The following NCAPG2 variants were observed in gnomAD, a reference collection of about 807,000 sequenced individuals.
The protein encoded by NCAPG2 is non-SMC condensin II complex subunit G2, also known as condensin-2 complex subunit G2.
In NCAPG2, 53 loss-of-function variants were observed where a neutral mutation model predicts 141.1. That is an observed-to-expected ratio of 0.38 (90% CI 0.30 to 0.47). NCAPG2 has a LOEUF of 0.47. Ranked by LOEUF, NCAPG2 falls within the 20% of genes least tolerant of loss-of-function variation. The pLI is 0.99. For missense variants in NCAPG2, 1,087 were observed against 1,389.0 expected (o/e 0.78, Z 3.46); for synonymous variants, 499 against 490.7 (o/e 1.02, Z -0.22).
chr7:158,684,288 A>G, intron 8 of NCAPG2, among the ~76,000 whole-genome samples: 1 of 152,380 alleles, frequency 6.6e-6, no homozygotes, highest in Non-Finnish European at 1.5e-5. Context: ...CAGTATGCCA[A>G]CATTCTACAG....
At position 158,686,057 on chromosome 7, in the gene NCAPG2, G is replaced by A. The variant is rs10224394; in HGVS notation, c.837+115C>T. The A allele has an allele frequency of 4.7e-3, 2,776 of 592,990 alleles. 66 individuals are homozygous for A. The African/African-American group carries it at 0.049, about 10-fold the overall frequency. 36.7% of individuals were successfully genotyped at this position (592,990 alleles called of 1,614,324 possible). A position where few individuals can be genotyped will look rare whatever the true frequency, so the allele number is the denominator to read the frequency against. On this transcript the variant is annotated intron_variant, in intron 8 of 27. Transcript: ENST00000356309. ...CCATCAAATAGATTTTCATTATTTG[G>A]CTTTATTTTGACAGAGTGCATAAAC...
rs1563504026 is a variant in NCAPG2 at position 158,648,519 on chromosome 7, T to TAAACACGCCAAATGGACGAC, written c.3076-1957_3076-1956insGTCGTCCATTTGGCGTGTTT. 6.6e-5 allele frequency among the ~76,000 whole-genome samples: 7 copies of TAAACACGCCAAATGGACGAC among 105,398 alleles called. 1 individual carries two copies. The South Asian group carries it at 2.1e-3, about 32-fold the overall frequency. 69.1% of individuals were successfully genotyped at this position (105,398 alleles called of 152,430 possible). ...ACTAAAAAAAAAAAAGAATGGACTA[T>TAAACACGCCAAATGGACGAC]AACCACGCCAAATGGACGACAACCA... On this transcript the variant is annotated intron_variant, in intron 24 of 27. Transcript: ENST00000356309.
At chr7:158,700,409 T>A (rs1178021908) in intron 2 of NCAPG2, among the ~76,000 whole-genome samples, 1 of 152,190 alleles carries the variant, frequency 6.6e-6, no homozygotes, top group Non-Finnish European at 1.5e-5. Flanking sequence ...GATTTTGAGT[T>A]GCTATTTTTA....
Position 158,675,606 on chromosome 7 carries a change from A to G in NCAPG2, c.1197T>C (p.Gly399=), listed in dbSNP as rs1253949504. The G allele has an allele frequency of 6.8e-6, 11 of 1,613,654 alleles. No individual in the cohort carries two copies. Among genetic ancestry groups the G allele is most frequent in the Admixed American group, 5.0e-5 (3 of 59,880 alleles). Residue 399 remains glycine (G), a synonymous_variant, in exon 12 of 28, where the codon GGT becomes GGC. Transcript: ENST00000356309. ...AGTACTTAGAAGTTATTTTACAAACACCAAGGATCCCTGTGGAACGGACCA... is the reference window on the plus strand; with the variant it reads ...AGTACTTAGAAGTTATTTTACAAACGCCAAGGATCCCTGTGGAACGGACCA... ...YPMVRSTGIL[G]VCKITSKYWE... is the part of the protein sequence containing the mutation.
intron 23 of NCAPG2, among the ~76,000 whole-genome samples, 162 bp downstream of exon 23, chr7:158,652,131 G>A (rs888944404): frequency 2.6e-5 from 4 of 152,114 alleles, no homozygotes; most frequent in African/African-American, 7.2e-5. Flanking sequence ...ACTCCCACAC[G>A]GACTCCATCT....
At chr7:158,685,572 T>C (rs1834706286) in intron 8 of NCAPG2, among the ~76,000 whole-genome samples, 1 of 152,218 alleles carries the variant, frequency 6.6e-6, no homozygotes, top group Non-Finnish European at 1.5e-5. Flanking sequence ...AAATCATCTC[T>C]AGATTACTTA....
At chr7:158,647,826 C>T (rs957856162) in intron 24 of NCAPG2, among the ~76,000 whole-genome samples, 2 of 152,044 alleles carry the variant, frequency 1.3e-5, no homozygotes, top group African/African-American at 4.8e-5. Context: ...AAACTACAGG[C>T]GTGTACCACC....
chr7:158,664,791 T>G, intron 13 of NCAPG2, 41 bp from the exon 14 acceptor site: 2 of 1,530,476 alleles, frequency 1.3e-6, no homozygotes, highest in Non-Finnish European at 1.8e-6. Context: ...TAATCAATTG[T>G]GCCTGTAACC....
intron 2 of NCAPG2, among the ~76,000 whole-genome samples, chr7:158,700,398 T>A (rs557641695): frequency 2.2e-4 from 33 of 152,258 alleles, no homozygotes; most frequent in Non-Finnish European, 4.3e-4. Context: ...GCCACCAGTG[T>A]GATTTTGAGT....
chr7:158,671,864 C>T (rs979210042), intron 12 of NCAPG2, among the ~76,000 whole-genome samples, 198 bp from the exon 13 acceptor site: 1 of 151,290 alleles, frequency 6.6e-6, no homozygotes, highest in South Asian at 2.1e-4. Context: ...CAGTATAGGT[C>T]CAACCACTGC....
intron 23 of NCAPG2, among the ~76,000 whole-genome samples, chr7:158,651,212 T>C (rs1350146892): frequency 1.3e-5 from 2 of 152,026 alleles, no homozygotes; most frequent in Admixed American, 6.5e-5. Flanking sequence ...GCCCTGATGA[T>C]ATTCTTTCCC....
intron 12 of NCAPG2, among the ~76,000 whole-genome samples, chr7:158,673,475 G>C (rs1833872290): frequency 6.6e-6 from 1 of 152,202 alleles, no homozygotes; most frequent in South Asian, 2.1e-4. Context: ...TAGTGAATCA[G>C]CATGGGCCCA....
At position 158,633,229 on chromosome 7, in the gene NCAPG2, C is replaced by A. The variant is rs2129455311; in HGVS notation, c.3381-1512G>T. On this transcript the variant is annotated intron_variant, in intron 27 of 27. Coordinates refer to ENST00000356309, the MANE Select transcript of NCAPG2 (RefSeq NM_017760.7). This position sits in a 1 kb window ranked among gnomAD's most constrained non-coding sequence, Gnocchi z 4.1. ...CCAAGTCTATCCCCACCCTCGTGAC[C>A]TCTCCTCGTGAGTATTTATGGTCTA... Among the ~76,000 whole-genome samples the A allele has an allele frequency of 6.6e-6, 1 of 152,292 alleles. No homozygotes were observed. The highest frequency in any genetic ancestry group is 2.1e-4 in the South Asian group (1 of 4,826).
At position 158,664,698 on chromosome 7, in the gene NCAPG2, G is replaced by A. The variant is rs766332670; in HGVS notation, c.1532C>T (p.Ser511Phe). ...CACCAGGCGCCGAGACACAGGTCGAGAATCAGTTTCCAGACGAACCAGAAT... is the reference window on the plus strand; with the variant it reads ...CACCAGGCGCCGAGACACAGGTCGAAAATCAGTTTCCAGACGAACCAGAAT... ...EHILVRLETD[S>F]RPVSRRLVSL... is the part of the protein sequence containing the mutation. The change falls in exon 14 of 28, where the codon TCT becomes TTT. Residue 511 changes from serine to phenylalanine, a missense_variant. Ser to Phe is a radical substitution (Grantham distance 155). Transcript: ENST00000356309. The A allele has an allele frequency of 2.5e-6, 4 of 1,614,176 alleles. No homozygotes were observed. The highest frequency in any genetic ancestry group is 2.5e-6 in the Non-Finnish European group (3 of 1,180,040).
chr7:158,632,796 A>G (rs920325265), intron 27 of NCAPG2, among the ~76,000 whole-genome samples: 1 of 152,192 alleles, frequency 6.6e-6, no homozygotes, highest in Admixed American at 6.5e-5. Context: ...AGCAAAATTC[A>G]TCTTAATATA....
At chr7:158,689,781 C>T in intron 6 of NCAPG2, 38 bp downstream of exon 6, 4 of 1,496,222 alleles carry the variant, frequency 2.7e-6, no homozygotes, top group Non-Finnish European at 3.6e-6. Context: ...TATTAAGAAG[C>T]AGCTCACAAA....
chr7:158,632,696 C>T lies in NCAPG2; in HGVS notation c.3381-979G>A, dbSNP rs112758404. Among the ~76,000 whole-genome samples, 924 of 152,338 alleles carry T rather than the reference C, an allele frequency of 6.1e-3. 7 individuals are homozygous for T. The highest frequency in any genetic ancestry group is 0.022 in the African/African-American group (895 of 41,580). ...CAGCCCCTGTAATGTCAATGCCAGT[C>T]ACATGCGTCATTTTACATTTTCCAG... On this transcript the variant is annotated intron_variant, in intron 27 of 27. Coordinates refer to ENST00000356309, the MANE Select transcript of NCAPG2 (RefSeq NM_017760.7).
Position 158,664,258 on chromosome 7 carries a change from A to G in NCAPG2, c.1741T>C (p.Cys581Arg). The G allele has an allele frequency of 6.2e-7, 1 of 1,613,992 alleles. No homozygotes were observed. The highest frequency in any genetic ancestry group is 1.3e-5 in the African/African-American group (1 of 75,056). Residue 581 changes from cysteine to arginine, a missense_variant, in exon 15 of 28, where the codon TGT (cysteine) becomes CGT (arginine). Transcript: ENST00000356309. ...IHVIRHCLNACIQRAVREPPE... is the reference protein window; with the variant it reads ...IHVIRHCLNARIQRAVREPPE... The stretch of plus-strand genomic sequence containing the variant: ...GGCTCTCTCACTGCCCTCTGGATAC[A>G]GGCATTTAAGCAATGACGAATAACG...
chr7:158,690,756 A>C, intron 4 of NCAPG2, 34 bp from the exon 5 acceptor site: 1 of 1,592,138 alleles, frequency 6.3e-7, no homozygotes, highest in South Asian at 1.1e-5. Context: ...CCAATTAGTA[A>C]GGCAAATTCT....
Sources: gnomAD v4.1 joint callset for allele counts (sites outside exome capture counted in the v4.1 genomes callset) on GRCh38, gnomAD v4.1.1 for gene constraint, Gnocchi (gnomAD v3.1) non-coding constraint, MANE v1.5 for transcripts, NCBI Gene and HGNC (gene_info 2026-07-23, HGNC 2026-07-21) for gene names.